UNC79: variants seen among roughly 807,000 people sequenced by gnomAD.
UNC79 encodes protein unc-79 homolog.
A neutral mutation model predicts 283.1 loss-of-function variants in UNC79; 37 were observed. The ratio of observed to expected loss-of-function variants is 0.13; its 90% confidence interval spans 0.10 to 0.17. The LOEUF is 0.17. UNC79 is among the 10% of genes least tolerant of loss of function. The pLI, the probability that UNC79 is intolerant of heterozygous loss-of-function variation, is 1.00. For missense variants in UNC79, 2,272 were observed against 3,211.1 expected (o/e 0.71, Z 7.07); for synonymous variants, 1,107 against 1,200.2 (o/e 0.92, Z 1.61).
intron 1 of UNC79, among the ~76,000 whole-genome samples, chr14:93,402,090 C>T (rs1022545669): frequency 2.6e-5 from 4 of 151,910 alleles, no homozygotes; most frequent in African/African-American, 7.3e-5. Flanking sequence ...TCAGCCTAGC[C>T]AGCATGGTGA....
chr14:93,578,909 T>G (rs1456748487), intron 18 of UNC79, among the ~76,000 whole-genome samples: 1 of 152,242 alleles, frequency 6.6e-6, no homozygotes, highest in Non-Finnish European at 1.5e-5. Flanking sequence ...CTGTTTCCTT[T>G]GTCTTCTTTA....
At chr14:93,653,982 T>G (rs770658858) in exon 37 of UNC79, 4 of 1,613,968 alleles carry the variant, frequency 2.5e-6, no homozygotes, top group African/African-American at 1.3e-5. Flanking sequence ...CTGATGGACT[T>G]CAATGAGCTG....
chr14:93,681,283 T>C (rs1406708236), intron 41 of UNC79, among the ~76,000 whole-genome samples: 5 of 152,224 alleles, frequency 3.3e-5, no homozygotes, highest in African/African-American at 1.2e-4. Context: ...TATACTTACG[T>C]GCTTTCCATG....
intron 14 of UNC79, among the ~76,000 whole-genome samples, chr14:93,557,177 A>G (rs1252336298): frequency 6.6e-6 from 1 of 152,226 alleles, no homozygotes; most frequent in Non-Finnish European, 1.5e-5. Flanking sequence ...TTTATATTCT[A>G]TTGATTTAAA....
At chr14:93,353,279 C>G (rs2054015582) in intron 1 of UNC79, among the ~76,000 whole-genome samples, 1 of 152,214 alleles carries the variant, frequency 6.6e-6, no homozygotes, top group African/African-American at 2.4e-5. Flanking sequence ...TCACAGCTCA[C>G]TGAAGCCTTG....
chr14:93,589,062 A>G (rs955239280), intron 22 of UNC79, among the ~76,000 whole-genome samples: 10 of 152,166 alleles, frequency 6.6e-5, no homozygotes, highest in Admixed American at 3.9e-4. Context: ...GGAAAAGAGT[A>G]TGGGACAGCC....
At chr14:93,674,655 C>T (rs1460058445) in intron 41 of UNC79, among the ~76,000 whole-genome samples, 3 of 152,170 alleles carry the variant, frequency 2.0e-5, no homozygotes, top group African/African-American at 7.2e-5. Flanking sequence ...AATATGGGAG[C>T]TTGGTATCAA....
At chr14:93,347,157 C>G in intron 1 of UNC79, 1 of 1,333,888 alleles carries the variant, frequency 7.5e-7, no homozygotes, top group South Asian at 1.5e-5. Context: ...AGCGCCCCCT[C>G]GTGGCTGGGG....
chr14:93,703,323 G>A (rs2075663845), intron 47 of UNC79, among the ~76,000 whole-genome samples: 1 of 152,208 alleles, frequency 6.6e-6, no homozygotes, highest in Non-Finnish European at 1.5e-5. Flanking sequence ...TGAGATCAAG[G>A]TGTCGGCAGG....
intron 7 of UNC79, among the ~76,000 whole-genome samples, chr14:93,507,864 ATT>A (rs2059623884): frequency 1.3e-5 from 2 of 152,058 alleles, no homozygotes; most frequent in African/African-American, 4.8e-5. Context: ...CTTAAGTTTA[ATT>A]TTTGTGTATG....
intron 35 of UNC79, among the ~76,000 whole-genome samples, chr14:93,651,912 ATTTTTTT>A (rs71129653): frequency 1.1e-4 from 5 of 46,598 alleles, no homozygotes; most frequent in East Asian, 6.4e-4. Flanking sequence ...CTAATTTTGT[ATTTTTTT>A]TTTTTTTTTT....
chr14:93,442,810 C>T (rs545471782), intron 1 of UNC79, among the ~76,000 whole-genome samples: 3 of 152,228 alleles, frequency 2.0e-5, no homozygotes, highest in Non-Finnish European at 2.9e-5. Flanking sequence ...ATATCCTGGC[C>T]GGACATGGTG....
intron 1 of UNC79, among the ~76,000 whole-genome samples, chr14:93,382,439 CTG>C (rs2054682881): frequency 6.6e-6 from 1 of 152,126 alleles, no homozygotes; most frequent in South Asian, 2.1e-4. Flanking sequence ...GCAGAAAGGA[CTG>C]TGTATATATT....
chr14:93,692,673 T>C (rs2074787736), intron 46 of UNC79, among the ~76,000 whole-genome samples: 1 of 152,224 alleles, frequency 6.6e-6, no homozygotes. Context: ...AATCCAGTAC[T>C]GTTGAATGTA....
chr14:93,505,420 T>C (rs1036804214), intron 7 of UNC79, among the ~76,000 whole-genome samples: 1 of 152,150 alleles, frequency 6.6e-6, no homozygotes, highest in African/African-American at 2.4e-5. Context: ...CATGTCTTTA[T>C]CTCTTCTAAT....
intron 9 of UNC79, 68 bp from the exon 10 acceptor site, chr14:93,529,218 T>G: frequency 6.4e-7 from 1 of 1,563,214 alleles, no homozygotes; most frequent in Non-Finnish European, 8.8e-7. Flanking sequence ...GTGTGCAGCT[T>G]ATAAACATTC....
At chr14:93,432,203 C>T (rs2055908406) in intron 1 of UNC79, among the ~76,000 whole-genome samples, 2 of 152,154 alleles carry the variant, frequency 1.3e-5, no homozygotes, top group South Asian at 4.1e-4. Flanking sequence ...TGCAGTATGT[C>T]ATTTATTCAC....
chr14:93,468,110 T>G (rs939934585), intron 2 of UNC79, among the ~76,000 whole-genome samples: 3 of 152,198 alleles, frequency 2.0e-5, no homozygotes, highest in Non-Finnish European at 4.4e-5. Context: ...TGCTTAAAAT[T>G]AATAATTGGA....
At chr14:93,635,033 A>G (rs2068390755) in intron 31 of UNC79, among the ~76,000 whole-genome samples, 1 of 152,256 alleles carries the variant, frequency 6.6e-6, no homozygotes, top group South Asian at 2.1e-4. Context: ...TAATAGTGAT[A>G]AAAATTGTCA....
Sources: allele counts gnomAD v4.1 joint callset (sites outside exome capture counted in the v4.1 genomes callset), GRCh38; gene constraint gnomAD v4.1.1; transcripts MANE v1.5; gene names NCBI Gene and HGNC (gene_info 2026-07-23, HGNC 2026-07-21).